The following GRIA1 variants were observed in gnomAD, a reference collection of about 807,000 sequenced individuals.
GRIA1 encodes glutamate receptor 1.
In GRIA1, 31 loss-of-function variants were observed where a neutral mutation model predicts 99.2. That is an observed-to-expected ratio of 0.31 (90% CI 0.23 to 0.42). The LOEUF is 0.42. Ranked by LOEUF, GRIA1 falls within the 10% of genes least tolerant of loss-of-function variation. GRIA1 has a pLI of 1.00. For missense variants in GRIA1, 782 were observed against 1,157.5 expected (o/e 0.68, Z 4.71); for synonymous variants, 438 against 432.4 (o/e 1.01, Z -0.16).
At chr5:153,498,504 T>C (rs1368503054) in intron 2 of GRIA1, among the ~76,000 whole-genome samples, 1 of 152,080 alleles carries the variant, frequency 6.6e-6, no homozygotes, top group Non-Finnish European at 1.5e-5. Context: ...TCAATGACAA[T>C]AGGTGAAAGG....
intron 2 of GRIA1, among the ~76,000 whole-genome samples, chr5:153,629,394 A>G (rs1231041117): frequency 3.9e-5 from 6 of 152,204 alleles, no homozygotes. Flanking sequence ...CTGTCTCAGC[A>G]TTGAAGAAAG....
chr5:153,717,948 CT>C (rs1392895100), intron 11 of GRIA1, among the ~76,000 whole-genome samples: 1 of 152,096 alleles, frequency 6.6e-6, no homozygotes, highest in Non-Finnish European at 1.5e-5. Flanking sequence ...TTCATTTTCT[CT>C]TTCACGTCTC....
chr5:153,561,001 T>A (rs920177768), intron 2 of GRIA1, among the ~76,000 whole-genome samples: 31 of 152,166 alleles, frequency 2.0e-4, no homozygotes, highest in African/African-American at 7.2e-4. Context: ...TTAGGTTGAT[T>A]CCTGTATTTA....
intron 2 of GRIA1, among the ~76,000 whole-genome samples, chr5:153,544,823 T>C (rs926744786): frequency 6.6e-6 from 1 of 152,180 alleles, no homozygotes; most frequent in Non-Finnish European, 1.5e-5. Flanking sequence ...ATGATAAAGA[T>C]AGAGGAAATG....
At chr5:153,666,558 A>G (rs556935590) in intron 5 of GRIA1, among the ~76,000 whole-genome samples, 2 of 152,282 alleles carry the variant, frequency 1.3e-5, no homozygotes, top group East Asian at 3.9e-4. Flanking sequence ...GGCTTGATGT[A>G]CAGTGGTTAG....
intron 2 of GRIA1, among the ~76,000 whole-genome samples, chr5:153,584,367 C>A (rs1473152129): frequency 6.6e-6 from 1 of 152,140 alleles, no homozygotes; most frequent in Non-Finnish European, 1.5e-5. Flanking sequence ...ACAACCCAAG[C>A]CTTGCCCACA....
chr5:153,605,947 A>G (rs571894781), intron 2 of GRIA1, among the ~76,000 whole-genome samples: 19 of 152,240 alleles, frequency 1.2e-4, no homozygotes, highest in African/African-American at 4.3e-4. Flanking sequence ...GAAACTGTTA[A>G]CTTGAATGCA....
At chr5:153,504,324 T>C (rs1378283339) in intron 2 of GRIA1, among the ~76,000 whole-genome samples, 1 of 150,396 alleles carries the variant, frequency 6.6e-6, no homozygotes, top group African/African-American at 2.4e-5. Context: ...AATAGATATA[T>C]ATATATATTT....
At chr5:153,520,491 G>A (rs184596793) in intron 2 of GRIA1, among the ~76,000 whole-genome samples, 3 of 152,260 alleles carry the variant, frequency 2.0e-5, no homozygotes, top group South Asian at 2.1e-4. Flanking sequence ...TGAAAGACAG[G>A]ACACAAGGGC....
chr5:153,731,533 A>T (rs1431056385), intron 11 of GRIA1, among the ~76,000 whole-genome samples: 2 of 151,928 alleles, frequency 1.3e-5, no homozygotes, highest in Admixed American at 6.6e-5. Flanking sequence ...TAATTCTACA[A>T]TTTTTCTCCT....
At chr5:153,784,004 T>C (rs1309844982) in intron 13 of GRIA1, among the ~76,000 whole-genome samples, 2 of 152,200 alleles carry the variant, frequency 1.3e-5, no homozygotes, top group East Asian at 3.8e-4. Context: ...AGGTGAGCTT[T>C]AGTTATGCTA....
intron 2 of GRIA1, among the ~76,000 whole-genome samples, chr5:153,512,834 G>A (rs1471571239): frequency 6.6e-6 from 1 of 152,170 alleles, no homozygotes; most frequent in Non-Finnish European, 1.5e-5. Flanking sequence ...AAATCCGTTT[G>A]TTAAAGCCCT....
At chr5:153,568,082 C>G (rs1761809686) in intron 2 of GRIA1, among the ~76,000 whole-genome samples, 1 of 151,944 alleles carries the variant, frequency 6.6e-6, no homozygotes, top group Non-Finnish European at 1.5e-5. Flanking sequence ...AGTGATAGAG[C>G]TAGGACTAAA....
At chr5:153,703,646 A>G (rs974024399) in intron 10 of GRIA1, among the ~76,000 whole-genome samples, 5 of 152,192 alleles carry the variant, frequency 3.3e-5, no homozygotes, top group African/African-American at 1.2e-4. Context: ...AGGCTGAGGC[A>G]TGAGCATTGC....
chr5:153,686,364 A>G, intron 8 of GRIA1, 35 bp downstream of exon 8: 1 of 1,512,328 alleles, frequency 6.6e-7, no homozygotes, highest in Non-Finnish European at 9.2e-7. Flanking sequence ...CTGCAGAGAG[A>G]AGAGGCTGAG....
intron 5 of GRIA1, among the ~76,000 whole-genome samples, chr5:153,659,041 G>C (rs931570944): frequency 3.3e-5 from 5 of 151,840 alleles, no homozygotes; most frequent in Non-Finnish European, 1.5e-5. Context: ...CTTTTAGCTG[G>C]CTCTGTATTC....
At chr5:153,576,036 G>A (rs1455304729) in intron 2 of GRIA1, among the ~76,000 whole-genome samples, 1 of 152,120 alleles carries the variant, frequency 6.6e-6, no homozygotes, top group Non-Finnish European at 1.5e-5. Context: ...CTAAGAACTG[G>A]AATCTGAATA....
intron 2 of GRIA1, among the ~76,000 whole-genome samples, chr5:153,510,938 G>T (rs989763771): frequency 1.3e-5 from 2 of 152,188 alleles, no homozygotes; most frequent in Non-Finnish European, 2.9e-5. Context: ...AGCATTGGGG[G>T]TGATGAGGGA....
intron 2 of GRIA1, among the ~76,000 whole-genome samples, chr5:153,513,187 T>C (rs1756272225): frequency 6.6e-6 from 1 of 151,936 alleles, no homozygotes; most frequent in South Asian, 2.1e-4. Flanking sequence ...AAAAATGAAA[T>C]GATGGTCAAT....
Sources: gnomAD v4.1 joint callset for allele counts (sites outside exome capture counted in the v4.1 genomes callset) on GRCh38, gnomAD v4.1.1 for gene constraint, MANE v1.5 for transcripts, NCBI Gene and HGNC (gene_info 2026-07-23, HGNC 2026-07-21) for gene names.